The following SEMA6D variants were observed in gnomAD, a reference collection of about 807,000 sequenced individuals.
The protein encoded by SEMA6D is semaphorin 6D.
In SEMA6D, 35 loss-of-function variants were observed where a neutral mutation model predicts 106.6. The ratio of observed to expected loss-of-function variants is 0.33; its 90% CI spans 0.25 to 0.44. The LOEUF (loss-of-function observed/expected upper bound fraction) is 0.44. Ranked by LOEUF, SEMA6D falls within the 20% of genes least tolerant of loss-of-function variation. The pLI is 1.00. For missense variants in SEMA6D, 1,185 were observed against 1,345.9 expected, an observed-to-expected ratio of 0.88 and a Z score of 1.87; for synonymous variants, 499 against 487.7, an observed-to-expected ratio of 1.02 and a Z score of -0.31.
At chr15:47,750,704 C>G (rs1467822654) in intron 1 of SEMA6D, among the ~76,000 whole-genome samples, 1 of 152,222 alleles carries the variant, frequency 6.6e-6, no homozygotes, top group Non-Finnish European at 1.5e-5. Flanking sequence ...TATAAAGTGT[C>G]AGTAACATAA....
At chr15:47,697,079 G>GA (rs991659284) in intron 4 of SEMA6D, among the ~76,000 whole-genome samples, 3 of 152,010 alleles carry the variant, frequency 2.0e-5, no homozygotes, top group Non-Finnish European at 4.4e-5. Flanking sequence ...TTGAATAAGG[G>GA]AAAAAATGTA....
intron 1 of SEMA6D, among the ~76,000 whole-genome samples, chr15:47,345,406 G>C: frequency 6.6e-6 from 1 of 152,118 alleles, no homozygotes; most frequent in Non-Finnish European, 1.5e-5. Context: ...ATCTGCTCAT[G>C]TATGGACACT....
intron 1 of SEMA6D, among the ~76,000 whole-genome samples, chr15:47,339,841 G>C (rs2037737116): frequency 6.6e-6 from 1 of 151,886 alleles, no homozygotes; most frequent in Non-Finnish European, 1.5e-5. Flanking sequence ...GGGCGACAGA[G>C]TGAGACCCTG....
At chr15:47,635,274 A>G (rs999741898) in intron 4 of SEMA6D, among the ~76,000 whole-genome samples, 3 of 152,134 alleles carry the variant, frequency 2.0e-5, no homozygotes, top group African/African-American at 7.2e-5. Context: ...GACAAGATAG[A>G]CAGTTTGGGA....
chr15:47,500,006 C>T (rs190906714), intron 3 of SEMA6D, among the ~76,000 whole-genome samples: 6 of 152,238 alleles, frequency 3.9e-5, no homozygotes, highest in Middle Eastern at 3.4e-3. Context: ...TAAGCTCAAA[C>T]ACTCCCATCT....
chr15:47,508,835 A>G (rs2044135380), intron 3 of SEMA6D, among the ~76,000 whole-genome samples: 1 of 152,140 alleles, frequency 6.6e-6, no homozygotes, highest in Non-Finnish European at 1.5e-5. Flanking sequence ...TGACTTATCT[A>G]TGTCTTGGAT....
At chr15:47,327,202 T>C (rs931395826) in intron 1 of SEMA6D, among the ~76,000 whole-genome samples, 9 of 152,344 alleles carry the variant, frequency 5.9e-5, no homozygotes, top group South Asian at 2.1e-4. Flanking sequence ...CTGTTTTTTT[T>C]CTGAAGTTTC....
chr15:47,608,824 T>A (rs2076834526), intron 4 of SEMA6D, among the ~76,000 whole-genome samples: 1 of 152,226 alleles, frequency 6.6e-6, no homozygotes, highest in Non-Finnish European at 1.5e-5. Flanking sequence ...TTTGTAATGT[T>A]GAATCCTTTT....
intron 4 of SEMA6D, among the ~76,000 whole-genome samples, chr15:47,661,629 C>G (rs1460498770): frequency 2.0e-5 from 3 of 152,156 alleles, no homozygotes; most frequent in African/African-American, 7.2e-5. Context: ...AAAATGGAGA[C>G]TTTGAAGGTA....
intron 1 of SEMA6D, among the ~76,000 whole-genome samples, chr15:47,297,551 T>C (rs1295886991): frequency 1.3e-5 from 2 of 152,208 alleles, no homozygotes; most frequent in African/African-American, 4.8e-5. Context: ...TATTTACTCA[T>C]TCGTTGAATA....
At chr15:47,674,257 C>T (rs1181654492) in intron 4 of SEMA6D, among the ~76,000 whole-genome samples, 1 of 152,180 alleles carries the variant, frequency 6.6e-6, no homozygotes, top group Non-Finnish European at 1.5e-5. Flanking sequence ...GTAATTTTCA[C>T]ATCTGAAATG....
At chr15:47,322,305 A>AT (rs2036954894) in intron 1 of SEMA6D, among the ~76,000 whole-genome samples, 1 of 144,494 alleles carries the variant, frequency 6.9e-6, no homozygotes, top group Non-Finnish European at 1.5e-5. Flanking sequence ...GCCTAATGTC[A>AT]TTTTTCAATT....
intron 1 of SEMA6D, among the ~76,000 whole-genome samples, chr15:47,388,948 G>A (rs2145776105): frequency 6.6e-6 from 1 of 152,244 alleles, no homozygotes; most frequent in South Asian, 2.1e-4. Flanking sequence ...TGATTATCTG[G>A]TACAAAACTC....
At chr15:47,540,940 A>T (rs887757691) in intron 3 of SEMA6D, among the ~76,000 whole-genome samples, 2 of 152,166 alleles carry the variant, frequency 1.3e-5, no homozygotes, top group Non-Finnish European at 2.9e-5. Context: ...CTCATTAGTA[A>T]TGGAAAAGAA....
intron 1 of SEMA6D, among the ~76,000 whole-genome samples, chr15:47,410,553 G>A (rs2040757012): frequency 6.6e-6 from 1 of 152,172 alleles, no homozygotes; most frequent in African/African-American, 2.4e-5. Flanking sequence ...AATACAAGGG[G>A]CTGGCTAAAC....
rs531675100 is a variant in SEMA6D at position 47,640,737 on chromosome 15, G to A, written c.-55+39841G>A. On this transcript the variant is annotated intron_variant, in intron 4 of 19. Coordinates refer to the SEMA6D transcript ENST00000558014. ...AAGCAAAAGTGTTGTTATATAACGC[G>A]TTTCTTAAGTCAGCGTTAACTAGTC... 5.3e-5 allele frequency among the ~76,000 whole-genome samples: 8 copies of A among 152,198 alleles called. No homozygotes were observed. The East Asian group carries it at 7.7e-4, about 15-fold the overall frequency.
chr15:47,227,879 A>ATT (rs2031851976), intron 1 of SEMA6D, among the ~76,000 whole-genome samples: 2 of 141,594 alleles, frequency 1.4e-5, no homozygotes, highest in African/African-American at 2.6e-5. Flanking sequence ...TATATATAAG[A>ATT]ATCATATATA....
At chr15:47,657,080 T>G (rs76926902) in intron 4 of SEMA6D, among the ~76,000 whole-genome samples, 5,456 of 152,308 alleles carry the variant, frequency 0.036, 127 homozygotes, top group Non-Finnish European at 0.046. Context: ...ATGTATGCAA[T>G]CTCTGTAGTG....
chr15:47,656,363 T>C (rs1043995620), intron 4 of SEMA6D, among the ~76,000 whole-genome samples: 1 of 152,222 alleles, frequency 6.6e-6, no homozygotes, highest in Non-Finnish European at 1.5e-5. Context: ...GGTGACTTTA[T>C]AGAACATAGC....
Sources: allele counts gnomAD v4.1 joint callset (sites outside exome capture counted in the v4.1 genomes callset), GRCh38; gene constraint gnomAD v4.1.1; transcripts MANE v1.5; gene names NCBI Gene and HGNC (gene_info 2026-07-23, HGNC 2026-07-21).